CUX2: variants seen among roughly 807,000 people sequenced by gnomAD.
CUX2 encodes the protein homeobox protein cut-like 2.
Under a neutral mutation model 144.8 loss-of-function variants are expected in CUX2, and 40 were observed. That is an observed-to-expected ratio of 0.28 (90% CI 0.21 to 0.36). The LOEUF (loss-of-function observed/expected upper bound fraction) is 0.36. Ranked by LOEUF, CUX2 falls within the 10% of genes least tolerant of loss-of-function variation. The pLI, the probability that CUX2 is intolerant of heterozygous loss-of-function variation, is 1.00. For synonymous variants in CUX2, 827 were observed against 875.6 expected (o/e 0.94, Z 0.98); for missense variants, 1,615 against 1,994.0 (o/e 0.81, Z 3.62).
At chr12:111,056,549 G>A (rs902560604) in intron 1 of CUX2, among the ~76,000 whole-genome samples, 2 of 152,250 alleles carry the variant, frequency 1.3e-5, no homozygotes, top group Non-Finnish European at 2.9e-5. Context: ...TGGTGGCTGG[G>A]TTCCGAGAGG....
In CUX2 at chr12:111,061,178, GCACACACACACACACACACACA is replaced by G. The variant is rs10525230; in HGVS notation, c.63+26955_63+26976del. ...TGTCCCCAGATGTGTGCATGCATAT[GCACACACACACACACACACACA>G]CACACACACACACACAGCAAGGAGG... On this transcript the variant is annotated intron_variant, in intron 1 of 21. Transcript: ENST00000261726. The surrounding 1 kb of genome is among the most constrained non-coding windows in gnomAD (Gnocchi z 4.2). Among the ~76,000 whole-genome samples, 1 of 143,632 alleles carries G rather than the reference GCACACACACACACACACACACA, an allele frequency of 7.0e-6. No individual in the cohort carries two copies. The allele number at this position is 143,632 out of a possible 152,430, so 94.2% of individuals were successfully genotyped here. A position where few individuals can be genotyped will look rare whatever the true frequency, so the allele number is the denominator to read the frequency against.
chr12:111,326,171 T>G (rs186464094), intron 18 of CUX2, among the ~76,000 whole-genome samples: 3 of 23,452 alleles, frequency 1.3e-4, no homozygotes, highest in African/African-American at 4.2e-4. Context: ...TATAGTGTTG[T>G]GGTGGGGGAG....
chr12:111,262,741 A>G (rs1884187810), intron 3 of CUX2, among the ~76,000 whole-genome samples: 1 of 152,202 alleles, frequency 6.6e-6, no homozygotes, highest in Non-Finnish European at 1.5e-5. Context: ...TAAAGAGGGT[A>G]ATTCTGTTAC....
intron 1 of CUX2, among the ~76,000 whole-genome samples, chr12:111,122,773 C>T (rs144449385): frequency 2.1e-4 from 32 of 152,276 alleles, no homozygotes; most frequent in Admixed American, 5.9e-4. Context: ...GCTAGTTGCT[C>T]GTGGCTGCAG....
chr12:111,169,737 G>A (rs1375023842), intron 1 of CUX2, among the ~76,000 whole-genome samples: 5 of 152,200 alleles, frequency 3.3e-5, no homozygotes, highest in Admixed American at 6.5e-5. Context: ...ATCTAATAGC[G>A]CTTTTGGATT....
intron 3 of CUX2, among the ~76,000 whole-genome samples, chr12:111,247,622 G>A (rs1883339937): frequency 6.6e-6 from 1 of 152,172 alleles, no homozygotes; most frequent in African/African-American, 2.4e-5. Flanking sequence ...GTGTCACTGG[G>A]GCCTGGCATG....
intron 1 of CUX2, among the ~76,000 whole-genome samples, chr12:111,080,545 G>A (rs1871829672): frequency 6.6e-6 from 1 of 151,952 alleles, no homozygotes; most frequent in African/African-American, 2.4e-5. Context: ...CAGGCATGGT[G>A]CTATGCACTC....
At chr12:111,183,936 C>T (rs1879350761) in intron 1 of CUX2, among the ~76,000 whole-genome samples, 1 of 152,186 alleles carries the variant, frequency 6.6e-6, no homozygotes, top group South Asian at 2.1e-4. Context: ...GGGTGGCTGG[C>T]ACCCATTGCT....
At chr12:111,066,555 T>C (rs927324773) in intron 1 of CUX2, among the ~76,000 whole-genome samples, 13 of 152,008 alleles carry the variant, frequency 8.6e-5, no homozygotes, top group Non-Finnish European at 2.9e-5. Context: ...GGAGCTGGAG[T>C]CCAGTTCAGC....
At chr12:111,104,010 G>A (rs576412323) in intron 1 of CUX2, among the ~76,000 whole-genome samples, 17 of 152,314 alleles carry the variant, frequency 1.1e-4, no homozygotes, top group African/African-American at 3.8e-4. Context: ...TGCCCAAGCC[G>A]TTCCGACCAC....
rs1425552141 is a variant in CUX2 at position 111,334,436 on chromosome 12, C to A, written c.2927-5C>A. 2 of 1,577,052 alleles carry A rather than the reference C, an allele frequency of 1.3e-6. No homozygotes were observed. The highest frequency in any genetic ancestry group is 1.9e-5 in the Admixed American group (1 of 52,826). ...AACCACCTTCTCTTTCTCTGTGGCCCACAGCCAGTCCCACAGAACCAAGGT... is the reference window on the plus strand; with the variant it reads ...AACCACCTTCTCTTTCTCTGTGGCCAACAGCCAGTCCCACAGAACCAAGGT... On this transcript the variant is annotated splice_polypyrimidine_tract_variant and splice_region_variant and intron_variant, in intron 18 of 21. Coordinates refer to ENST00000261726, the MANE Select transcript of CUX2 (RefSeq NM_015267.4).
At chr12:111,135,482 AT>A (rs1875817509) in intron 1 of CUX2, among the ~76,000 whole-genome samples, 1 of 152,250 alleles carries the variant, frequency 6.6e-6, no homozygotes, top group Non-Finnish European at 1.5e-5. Context: ...GCTCCCAGGA[AT>A]ATACCCAAAA....
rs367695781 is a variant in CUX2 at position 111,347,508 on chromosome 12, G to A, written c.3660-16G>A. The A allele has an allele frequency of 4.8e-5, 76 of 1,569,648 alleles. 1 individual carries two copies. The highest frequency in any genetic ancestry group is 4.2e-4 in the Admixed American group (23 of 55,172). On this transcript the variant is annotated splice_polypyrimidine_tract_variant and intron_variant, in intron 21 of 21. Coordinates refer to ENST00000261726, the MANE Select transcript of CUX2 (RefSeq NM_015267.4). ...TCCCCTGTCCAGCCCCAGGCTCACC[G>A]CCGTCTCTGCCCCAGGTCCCGGATG...
At chr12:111,038,667 G>A (rs986592860) in intron 1 of CUX2, among the ~76,000 whole-genome samples, 4 of 152,242 alleles carry the variant, frequency 2.6e-5, no homozygotes, top group Non-Finnish European at 5.9e-5. Flanking sequence ...TCCCAAAATT[G>A]TAGTTTCTCA....
intron 1 of CUX2, among the ~76,000 whole-genome samples, chr12:111,154,178 G>C (rs998935607): frequency 2.6e-5 from 4 of 151,958 alleles, no homozygotes; most frequent in African/African-American, 9.7e-5. Context: ...AAGCCAGCCT[G>C]TGTGATTGCA....
At chr12:111,115,271 T>TAA (rs1330184415) in intron 1 of CUX2, among the ~76,000 whole-genome samples, 1 of 146,978 alleles carries the variant, frequency 6.8e-6, no homozygotes, top group Non-Finnish European at 1.5e-5. Flanking sequence ...TTGGAGATAA[T>TAA]AAAATTTCTT....
chr12:111,154,980 G>A lies in CUX2; in HGVS notation c.64-59220G>A, dbSNP rs79382011. On this transcript the variant is annotated intron_variant, in intron 1 of 21. Transcript: ENST00000261726. ...ACTGCTGCTGTGGTAGGTGCTATGGGGCAAGTCAGGCAATACTTCCAAATC... is the reference window on the plus strand; with the variant it reads ...ACTGCTGCTGTGGTAGGTGCTATGGAGCAAGTCAGGCAATACTTCCAAATC... Among the ~76,000 whole-genome samples, 423 of 152,268 alleles carry A rather than the reference G, an allele frequency of 2.8e-3. 2 individuals carry two copies. Among genetic ancestry groups the A allele is most frequent in the African/African-American group, 9.9e-3 (412 of 41,544 alleles).
At chr12:111,235,441 G>A (rs899084316) in intron 3 of CUX2, among the ~76,000 whole-genome samples, 16 of 152,116 alleles carry the variant, frequency 1.1e-4, no homozygotes, top group Non-Finnish European at 1.9e-4. Context: ...TGAGACGAGC[G>A]GCCAGGCACA....
chr12:111,081,485 C>T (rs1338206941), intron 1 of CUX2, among the ~76,000 whole-genome samples: 2 of 152,066 alleles, frequency 1.3e-5, no homozygotes, highest in Non-Finnish European at 2.9e-5. Context: ...GATCTAGTCT[C>T]ACCCCTAGAG....
Sources: gnomAD v4.1 joint callset for allele counts (sites outside exome capture counted in the v4.1 genomes callset) on GRCh38, gnomAD v4.1.1 for gene constraint, Gnocchi (gnomAD v3.1) non-coding constraint, MANE v1.5 for transcripts, NCBI Gene and HGNC (gene_info 2026-07-23, HGNC 2026-07-21) for gene names.